The following CADPS variants were observed in gnomAD, a reference collection of about 807,000 sequenced individuals.
CADPS encodes calcium-dependent secretion activator 1.
A neutral mutation model predicts 167.3 loss-of-function variants in CADPS; 57 were observed. That is an observed-to-expected ratio of 0.34 (90% CI 0.28 to 0.42). The LOEUF (loss-of-function observed/expected upper bound fraction) is 0.42, where lower values mean the gene tolerates loss of function less well. Ranked by LOEUF, CADPS falls within the 20% of genes least tolerant of loss-of-function variation. CADPS has a pLI of 1.00. For missense variants in CADPS, 1,414 were observed against 1,738.1 expected (o/e 0.81, Z 3.32); for synonymous variants, 676 against 635.3 (o/e 1.06, Z -0.96).
chr3:62,603,954 G>A (rs979565131), intron 6 of CADPS, among the ~76,000 whole-genome samples: 1 of 151,712 alleles, frequency 6.6e-6, no homozygotes, highest in African/African-American at 2.4e-5. Flanking sequence ...AGCTTCCTGA[G>A]TATCTGGGAC....
chr3:62,799,351 G>A (rs177442), intron 1 of CADPS, among the ~76,000 whole-genome samples: 12 of 152,204 alleles, frequency 7.9e-5, no homozygotes, highest in African/African-American at 2.9e-4. Flanking sequence ...TAACTCTGGA[G>A]GCAGACTACC....
At chr3:62,836,104 T>G (rs905369936) in intron 1 of CADPS, among the ~76,000 whole-genome samples, 6 of 152,188 alleles carry the variant, frequency 3.9e-5, no homozygotes, top group African/African-American at 1.4e-4. Context: ...TTGAAATCAC[T>G]TGGGAAAAAT....
intron 3 of CADPS, among the ~76,000 whole-genome samples, chr3:62,708,864 G>A (rs2082824378): frequency 6.6e-6 from 1 of 151,926 alleles, no homozygotes; most frequent in African/African-American, 2.4e-5. Context: ...CGACTTTCAG[G>A]GAAGCCTTGG....
chr3:62,845,862 A>T (rs1303809389), intron 1 of CADPS, among the ~76,000 whole-genome samples: 1 of 152,132 alleles, frequency 6.6e-6, no homozygotes, highest in African/African-American at 2.4e-5. Flanking sequence ...TGATAGTTAT[A>T]TCTAGATGAG....
intron 8 of CADPS, among the ~76,000 whole-genome samples, chr3:62,574,759 T>C (rs973046872): frequency 6.6e-6 from 1 of 152,180 alleles, no homozygotes; most frequent in African/African-American, 2.4e-5. Flanking sequence ...GACAGGTCAG[T>C]AATGGTTCCT....
At chr3:62,837,487 G>A (rs962885712) in intron 1 of CADPS, among the ~76,000 whole-genome samples, 7 of 152,200 alleles carry the variant, frequency 4.6e-5, no homozygotes, top group South Asian at 2.1e-4. Flanking sequence ...AAGCATAGCC[G>A]TGGACTGGGC....
intron 1 of CADPS, among the ~76,000 whole-genome samples, chr3:62,786,404 G>C (rs1307899511): frequency 6.6e-6 from 1 of 152,050 alleles, no homozygotes; most frequent in Non-Finnish European, 1.5e-5. Context: ...CATTTTGGGA[G>C]GCTGAGGCAG....
intron 2 of CADPS, among the ~76,000 whole-genome samples, chr3:62,760,255 A>G (rs1309513878): frequency 1.3e-5 from 2 of 152,126 alleles, no homozygotes; most frequent in African/African-American, 2.4e-5. Flanking sequence ...CCAGGTATAT[A>G]TATTCTCATT....
rs201514742 is a variant in CADPS at position 62,874,988 on chromosome 3, G to A, written c.42C>T (p.Ile14=). Reference sequence around the variant, plus strand: ...CCTCCTTGCCGCTCTCCTCCTCCACGATCTCATCCGATTCTTCTTCGCTGG... The same window carrying A: ...CCTCCTTGCCGCTCTCCTCCTCCACAATCTCATCCGATTCTTCTTCGCTGG... The part of the protein sequence containing the change: ...PSSSEEESDE[I]VEEESGKEVL... The change falls in exon 1 of 30, where the codon ATC becomes ATT. Residue 14 remains isoleucine (I), a synonymous_variant. Transcript: ENST00000383710. This position sits in a 1 kb window ranked among gnomAD's most constrained non-coding sequence, Gnocchi z 7.1. 880 of 1,595,758 alleles carry A rather than the reference G, an allele frequency of 5.5e-4. 1 individual carries two copies. Among genetic ancestry groups the A allele is most frequent in the Admixed American group, 7.3e-4 (43 of 59,130 alleles).
At chr3:62,513,346 G>T (rs2068274951) in intron 16 of CADPS, among the ~76,000 whole-genome samples, 1 of 151,986 alleles carries the variant, frequency 6.6e-6, no homozygotes, top group African/African-American at 2.4e-5. Context: ...ACAAATTAGG[G>T]TTACACACAA....
intron 17 of CADPS, chr3:62,500,441 C>G (rs565479053): frequency 6.6e-6 from 1 of 152,344 alleles, no homozygotes; most frequent in South Asian, 2.1e-4. Context: ...CAGGCGTGAA[C>G]CACTGTGCCC....
intron 3 of CADPS, among the ~76,000 whole-genome samples, chr3:62,738,764 C>T (rs484891): frequency 0.4 from 61,161 of 151,952 alleles, 12,788 homozygotes; most frequent in African/African-American, 0.49. Flanking sequence ...AAAATGATTG[C>T]TTTTTCATTA....
At chr3:62,440,677 A>G (rs1293803870) in intron 27 of CADPS, 1 of 152,022 alleles carries the variant, frequency 6.6e-6, no homozygotes, top group Non-Finnish European at 1.5e-5. Context: ...CTCCCAACCA[A>G]TTCCAACAAG....
chr3:62,724,813 C>A (rs1015712508), intron 3 of CADPS, among the ~76,000 whole-genome samples: 1 of 152,210 alleles, frequency 6.6e-6, no homozygotes, highest in Non-Finnish European at 1.5e-5. Context: ...AAAGACAAAT[C>A]TGATCATACC....
intron 24 of CADPS, among the ~76,000 whole-genome samples, chr3:62,472,011 G>T (rs1316216943): frequency 6.6e-6 from 1 of 151,860 alleles, no homozygotes; most frequent in Non-Finnish European, 1.5e-5. Flanking sequence ...ATATACAATG[G>T]TCAATAAATA....
At chr3:62,466,880 A>G (rs2059999410) in intron 24 of CADPS, among the ~76,000 whole-genome samples, 1 of 152,038 alleles carries the variant, frequency 6.6e-6, no homozygotes, top group African/African-American at 2.4e-5. Flanking sequence ...CTGTTCTGAA[A>G]CCCTCAGGTT....
intron 8 of CADPS, among the ~76,000 whole-genome samples, chr3:62,583,892 T>C (rs1417018613): frequency 6.6e-6 from 1 of 152,172 alleles, no homozygotes; most frequent in Non-Finnish European, 1.5e-5. Flanking sequence ...CCTGTCCTGG[T>C]CACGCCCTCC....
At chr3:62,476,341 G>A (rs2061327471) in intron 23 of CADPS, among the ~76,000 whole-genome samples, 1 of 152,118 alleles carries the variant, frequency 6.6e-6, no homozygotes, top group South Asian at 2.1e-4. Context: ...ACTCGTCCAT[G>A]CTCTGTCCTC....
chr3:62,419,840 A>G (rs1156659501), intron 28 of CADPS, among the ~76,000 whole-genome samples: 1 of 152,196 alleles, frequency 6.6e-6, no homozygotes, highest in Non-Finnish European at 1.5e-5. Context: ...CAGAACGGAA[A>G]GATAAAGTGG....
Sources: gnomAD v4.1 joint callset for allele counts (sites outside exome capture counted in the v4.1 genomes callset) on GRCh38, gnomAD v4.1.1 for gene constraint, Gnocchi (gnomAD v3.1) non-coding constraint, MANE v1.5 for transcripts, NCBI Gene and HGNC (gene_info 2026-07-23, HGNC 2026-07-21) for gene names.